LINGO2: variants seen among roughly 807,000 people sequenced by gnomAD.
LINGO2 encodes leucine-rich repeat and immunoglobulin-like domain-containing nogo receptor-interacting protein 2.
In LINGO2, 14 loss-of-function variants were observed where a neutral mutation model predicts 30.6. That is an observed-to-expected ratio of 0.46 (90% CI 0.30 to 0.72). The LOEUF (loss-of-function observed/expected upper bound fraction) is 0.72. Ranked by LOEUF, LINGO2 falls within the 30% of genes least tolerant of loss-of-function variation. LINGO2 has a pLI of 0.07. For synonymous variants in LINGO2, 317 were observed against 288.5 expected (o/e 1.10, Z -1.00); for missense variants, 729 against 751.7 (o/e 0.97, Z 0.35).
intron 1 of LINGO2, among the ~76,000 whole-genome samples, chr9:28,641,339 G>C (rs190174758): frequency 6.6e-6 from 1 of 152,136 alleles, no homozygotes; most frequent in South Asian, 2.1e-4. Context: ...CCCGGCCTCA[G>C]AGGTTTTAAA....
intron 2 of LINGO2, among the ~76,000 whole-genome samples, chr9:28,415,688 G>C (rs1822939132): frequency 6.6e-6 from 1 of 152,114 alleles, no homozygotes; most frequent in African/African-American, 2.4e-5. Flanking sequence ...GCTGTATCTT[G>C]TAACACTTTC....
chr9:28,964,960 T>C, the LINGO2 span, among the ~76,000 whole-genome samples: 1 of 151,886 alleles, frequency 6.6e-6, no homozygotes, highest in African/African-American at 2.4e-5. Flanking sequence ...TCTCAACTCA[T>C]GAGCTACCAG....
chr9:28,533,961 G>A (rs1647497019), intron 1 of LINGO2, among the ~76,000 whole-genome samples: 1 of 152,110 alleles, frequency 6.6e-6, no homozygotes, highest in South Asian at 2.1e-4. Context: ...GATCTTCTGT[G>A]ACCTATACAT....
the LINGO2 span, among the ~76,000 whole-genome samples, chr9:28,883,628 G>GTGTGTATATA: frequency 1.7e-4 from 11 of 64,170 alleles, no homozygotes; most frequent in African/African-American, 4.7e-4. Flanking sequence ...ATGTGTGTGT[G>GTGTGTATATA]TATATATATA....
the LINGO2 span, among the ~76,000 whole-genome samples, chr9:29,126,775 G>A: frequency 6.6e-6 from 1 of 152,176 alleles, no homozygotes; most frequent in Admixed American, 6.5e-5. Flanking sequence ...ACTTCCTTCT[G>A]AGGCAGGAGA....
intron 3 of LINGO2, among the ~76,000 whole-genome samples, chr9:28,304,400 ATGT>A (rs1341365538): frequency 2.0e-5 from 3 of 151,718 alleles, no homozygotes; most frequent in African/African-American, 2.4e-5. Flanking sequence ...ATGTAATTAA[ATGT>A]TGTACAATTT....
At chr9:28,702,378 C>A in the LINGO2 span, among the ~76,000 whole-genome samples, 3 of 151,792 alleles carry the variant, frequency 2.0e-5, no homozygotes, top group African/African-American at 7.2e-5. Context: ...TCTATTGATA[C>A]AATCAAGTGG....
intron 4 of LINGO2, among the ~76,000 whole-genome samples, chr9:28,142,242 T>C (rs1163344078): frequency 6.6e-6 from 1 of 151,648 alleles, no homozygotes; most frequent in Non-Finnish European, 1.5e-5. Context: ...GTTTCCAGAA[T>C]TCCTTAGTAA....
chr9:28,726,076 A>G, the LINGO2 span, among the ~76,000 whole-genome samples: 9 of 152,274 alleles, frequency 5.9e-5, no homozygotes, highest in Non-Finnish European at 1.3e-4. Flanking sequence ...TTTCTAAGCT[A>G]AATATTGACT....
At chr9:28,462,442 T>C in intron 2 of LINGO2, among the ~76,000 whole-genome samples, 1 of 143,786 alleles carries the variant, frequency 7.0e-6, no homozygotes, top group African/African-American at 2.6e-5. Context: ...AAAAAAATTA[T>C]ACCTGAGTTT....
intron 5 of LINGO2, among the ~76,000 whole-genome samples, chr9:27,968,227 C>T (rs1820191428): frequency 6.6e-6 from 1 of 151,872 alleles, no homozygotes; most frequent in South Asian, 2.1e-4. Context: ...ATTGACTTTC[C>T]CAAATTGGAA....
intron 2 of LINGO2, among the ~76,000 whole-genome samples, chr9:28,418,660 G>A (rs1377513569): frequency 2.6e-5 from 4 of 151,974 alleles, no homozygotes; most frequent in African/African-American, 9.7e-5. Flanking sequence ...AAAGTAAATG[G>A]CAAGATTAAA....
the LINGO2 span, among the ~76,000 whole-genome samples, chr9:29,148,464 G>A: frequency 6.6e-6 from 1 of 151,960 alleles, no homozygotes; most frequent in Non-Finnish European, 1.5e-5. Flanking sequence ...TTACACTTTT[G>A]GTGTCTATGA....
chr9:28,148,869 T>A lies in LINGO2; in HGVS notation c.-86-136464A>T. ...CCCAGCTCTCCAGGCTTGCTGATGGTGGGGGAGGACATGCAGCCCAAGGAT... is the reference window on the plus strand; with the variant it reads ...CCCAGCTCTCCAGGCTTGCTGATGGAGGGGGAGGACATGCAGCCCAAGGAT... On this transcript the variant is annotated intron_variant, in intron 4 of 5. Coordinates refer to ENST00000379992, the Ensembl canonical transcript of LINGO2. This position sits in a 1 kb window ranked among gnomAD's most constrained non-coding sequence, Gnocchi z 5.1. 4 of 1,533,706 alleles carry A rather than the reference T, an allele frequency of 2.6e-6. No homozygotes were observed. The South Asian group carries it at 4.8e-5, about 18-fold the overall frequency.
upstream of LINGO2, among the ~76,000 whole-genome samples, chr9:28,671,051 T>C (rs1006436449): frequency 1.3e-5 from 2 of 152,086 alleles, no homozygotes; most frequent in Non-Finnish European, 2.9e-5. Flanking sequence ...GATAGATGAG[T>C]ATTTTGTTGC....
chr9:28,011,071 G>A (rs906549096), intron 5 of LINGO2, among the ~76,000 whole-genome samples: 10 of 152,220 alleles, frequency 6.6e-5, no homozygotes, highest in African/African-American at 2.2e-4. Flanking sequence ...CAAAAAAGAG[G>A]TGGGTGAAAT....
intron 4 of LINGO2, among the ~76,000 whole-genome samples, chr9:28,076,799 A>T (rs1825636509): frequency 6.6e-6 from 1 of 152,080 alleles, no homozygotes; most frequent in African/African-American, 2.4e-5. Context: ...TGGATTCCAC[A>T]GTTGTTGGTG....
chr9:28,700,642 T>C, the LINGO2 span, among the ~76,000 whole-genome samples: 1 of 152,040 alleles, frequency 6.6e-6, no homozygotes, highest in Non-Finnish European at 1.5e-5. Context: ...TGTACAAAGG[T>C]TTTCAACTCA....
the LINGO2 span, among the ~76,000 whole-genome samples, chr9:28,982,861 T>A: frequency 6.6e-6 from 1 of 152,030 alleles, no homozygotes; most frequent in African/African-American, 2.4e-5. Flanking sequence ...TAAGCTTTCA[T>A]ACTTAATACT....
Sources: gnomAD v4.1 joint callset for allele counts (sites outside exome capture counted in the v4.1 genomes callset) on GRCh38, gnomAD v4.1.1 for gene constraint, Gnocchi (gnomAD v3.1) non-coding constraint, MANE v1.5 for transcripts, NCBI Gene and HGNC (gene_info 2026-07-23, HGNC 2026-07-21) for gene names.